RPAP1: variants seen among roughly 807,000 people sequenced by gnomAD.
The protein encoded by RPAP1 is RNA polymerase II-associated protein 1.
RPAP1 carries 109 observed loss-of-function variants against 142.4 expected under a neutral mutation model. That is an observed-to-expected ratio of 0.77 (90% CI 0.66 to 0.90). The LOEUF (loss-of-function observed/expected upper bound fraction) is 0.90. Among genes scored for constraint, RPAP1 ranks in the 40% least tolerant of loss-of-function variants. The pLI is 0.00. For missense variants in RPAP1, 1,546 were observed against 1,751.7 expected, an observed-to-expected ratio of 0.88 and a Z score of 2.10; for synonymous variants, 704 against 738.9, an observed-to-expected ratio of 0.95 and a Z score of 0.77.
At chr15:41,532,503 G>A (rs188650855) in intron 6 of RPAP1, among the ~76,000 whole-genome samples, 150 of 152,232 alleles carry the variant, frequency 9.9e-4, no homozygotes, top group African/African-American at 3.4e-3. Context: ...AGTATACAGT[G>A]GGTAACAAGA....
At chr15:41,524,375 G>C in intron 15 of RPAP1, 121 bp from the exon 16 acceptor site, 4 of 816,472 alleles carry the variant, frequency 4.9e-6, no homozygotes, top group African/African-American at 1.7e-5. Context: ...GAAGAGTGGG[G>C]CACTCTTGGA....
chr15:41,534,421 CA>C lies in RPAP1; in HGVS notation c.763+292del, dbSNP rs547606514. Among the ~76,000 whole-genome samples, 879 of 122,390 alleles carry C rather than the reference CA, an allele frequency of 7.2e-3. 1 individual carries two copies. The highest frequency in any genetic ancestry group is 8.7e-3 in the South Asian group (34 of 3,916). The allele number at this position is 122,390 out of a possible 152,430, so 80.3% of individuals were successfully genotyped here. A position where few individuals can be genotyped will look rare whatever the true frequency, so the allele number is the denominator to read the frequency against. ...CAACAAGAGTGAAACTCTGTCCCCC[CA>C]AAAAAAAAAAAAAATTAGCTGAGTG... On this transcript the variant is annotated intron_variant, in intron 6 of 24. Transcript: ENST00000304330.
Position 41,534,836 on chromosome 15 carries a change from C to G in RPAP1, c.641G>C (p.Gly214Ala). The change falls in exon 6 of 25, where the codon GGG becomes GCG. Residue 214 changes from glycine (G) to alanine (A), a missense_variant. This residue lies in a region of RPAP1 where 1,333 missense variants were observed against 1,486.6 expected (regional missense o/e 0.90). Transcript: ENST00000304330. ...FQGPNLVTGK[G>A]LRDQEAEQEA... ...CTGCTCAGCTTCTTGATCCCTGAGC[C>G]CCTTCCCTGTGACCAGATTGGGTCC... is the stretch of plus-strand genomic sequence containing the variant. 6.2e-7 allele frequency: 1 copy of G among 1,614,180 alleles called. No individual in the cohort carries two copies. Among genetic ancestry groups the G allele is most frequent in the Non-Finnish European group, 8.5e-7 (1 of 1,180,034 alleles).
At chr15:41,519,448 T>G (rs1438021601) in intron 22 of RPAP1, 1 of 151,336 alleles carries the variant, frequency 6.6e-6, no homozygotes, top group African/African-American at 2.4e-5. Flanking sequence ...TGACCTCAAA[T>G]GATCCGCCCA....
chr15:41,518,184 T>C lies in RPAP1; in HGVS notation c.3796-2A>G, dbSNP rs1288593515. The C allele has an allele frequency of 3.2e-6, 5 of 1,560,100 alleles. No individual in the cohort carries two copies. Among genetic ancestry groups the C allele is most frequent in the Admixed American group, 2.2e-5 (1 of 46,184 alleles). ...GTAACACTCCAGGGACACAGGCAAC[T>C]GTGACAGGGGAAATGACGTGCTGAG... On this transcript the variant is annotated splice_acceptor_variant, in intron 22 of 24. Coordinates refer to ENST00000304330, the MANE Select transcript of RPAP1 (RefSeq NM_015540.4). LOFTEE classifies it high-confidence loss of function.
chr15:41,521,876 G>A lies in RPAP1; in HGVS notation c.2900C>T (p.Ala967Val), dbSNP rs778356661. ...ATGGGTGGCTGGCAGTGGCTGCAGC[G>A]CTGCCTGCAGACAGAAAAGCAGGGA... ...LALALAQKAA[A>V]LQPLPATHAA... The change falls in exon 21 of 25, where the codon GCG (alanine) becomes GTG (valine). Residue 967 changes from alanine to valine, a missense_variant. Ala to Val is a moderately conservative substitution (Grantham distance 64). This residue lies in a region of RPAP1 where 1,333 missense variants were observed against 1,486.6 expected (regional missense o/e 0.90). Transcript: ENST00000304330. 3.7e-5 allele frequency: 60 copies of A among 1,613,406 alleles called. No homozygotes were observed. Among genetic ancestry groups the A allele is most frequent in the Non-Finnish European group, 4.5e-5 (53 of 1,179,740 alleles).
chr15:41,526,903 G>A lies in RPAP1; in HGVS notation c.1912C>T (p.Arg638Trp), dbSNP rs539741618. 289 of 1,610,310 alleles carry A rather than the reference G, an allele frequency of 1.8e-4. 2 individuals are homozygous for A. In the South Asian group the frequency reaches 2.8e-3, roughly 16 times the overall value. ...TTGCCCTGTGTCCTGCTCACCAGCC[G>A]GGCAGCAATATTCCTCCCAGCTGAG... is the stretch of plus-strand genomic sequence containing the variant. ...LASAGRNIAARLLSSFDLRSR... is the reference protein window; with the variant it reads ...LASAGRNIAAWLLSSFDLRSR... The change falls in exon 14 of 25, where the codon CGG (arginine) becomes TGG (tryptophan). Residue 638 changes from arginine (R) to tryptophan (W), a missense_variant. Physicochemically the swap from Arg to Trp is moderately radical, Grantham distance 101. Around this residue, in one of 3 missense-constraint regions of RPAP1, gnomAD observed 1,333 missense variants for 1,486.6 expected, o/e 0.90. Coordinates refer to ENST00000304330, the MANE Select transcript of RPAP1 (RefSeq NM_015540.4).
chr15:41,534,915 G>A lies in RPAP1; in HGVS notation c.562C>T (p.Pro188Ser). The change falls in exon 6 of 25, where the codon CCC (proline) becomes TCC (serine). Residue 188 changes from proline to serine, a missense_variant. Physicochemically the swap from Pro to Ser is moderately conservative, Grantham distance 74 (BLOSUM62 -1). This residue lies in a region of RPAP1 where 1,333 missense variants were observed against 1,486.6 expected (regional missense o/e 0.90). Coordinates refer to ENST00000304330, the MANE Select transcript of RPAP1 (RefSeq NM_015540.4). ...PPEGAVTCET[P>S]TPRNQGCQLP... ...TGGCAGCCCTGGTTCCTAGGAGTGG[G>A]TGTCTCACAGGTCACGGCACCTGGA... 6.2e-7 allele frequency: 1 copy of A among 1,614,156 alleles called. No individual in the cohort carries two copies. Among genetic ancestry groups the A allele is most frequent in the Non-Finnish European group, 8.5e-7 (1 of 1,180,020 alleles).
In RPAP1 at chr15:41,527,072, T is replaced by A. The variant is rs532481466; in HGVS notation, c.1747-4A>T. 1.9e-6 allele frequency: 3 copies of A among 1,613,456 alleles called. No individual in the cohort carries two copies. In the East Asian group the frequency reaches 6.7e-5, roughly 36 times the overall value. On this transcript the variant is annotated splice_region_variant and splice_polypyrimidine_tract_variant and intron_variant, in intron 13 of 24. Coordinates refer to ENST00000304330, the MANE Select transcript of RPAP1 (RefSeq NM_015540.4). Reference sequence around the variant, plus strand: ...TCAGCCGAGGGCACTCCAGGACCTATGGGAGACAGGAGGTAAAAGGGAGGA... The same window carrying A: ...TCAGCCGAGGGCACTCCAGGACCTAAGGGAGACAGGAGGTAAAAGGGAGGA...
intron 19 of RPAP1, 123 bp downstream of exon 19, chr15:41,522,642 G>A (rs763116761): frequency 1.1e-4 from 97 of 850,102 alleles, no homozygotes; most frequent in Admixed American, 4.5e-4. Flanking sequence ...TGCCCACCTC[G>A]GCCTCCCAAA....
chr15:41,527,479 T>G lies in RPAP1; in HGVS notation c.1555A>C (p.Ser519Arg). 1 of 1,614,198 alleles carries G rather than the reference T, an allele frequency of 6.2e-7. No individual in the cohort carries two copies. Among genetic ancestry groups the G allele is most frequent in the Non-Finnish European group, 8.5e-7 (1 of 1,180,028 alleles). ...ECPAGKAKRK[S>R]PEEESRPPPD... ...GGAGGCCGGCTTTCTTCTTCAGGGC[T>G]TTTCCTTTTTGCTTTTCCTGCTGGG... is the stretch of plus-strand genomic sequence containing the variant. The change falls in exon 12 of 25, where the codon AGC (serine) becomes CGC (arginine). Residue 519 changes from serine (S) to arginine (R), a missense_variant. Physicochemically the swap from Ser to Arg is moderately radical, Grantham distance 110. Transcript: ENST00000304330.
chr15:41,519,301 G>T (rs567452802), intron 22 of RPAP1, among the ~76,000 whole-genome samples: 4 of 152,210 alleles, frequency 2.6e-5, no homozygotes, highest in African/African-American at 9.6e-5. Flanking sequence ...TCTGCCTCCT[G>T]GGTTCAAGCG....
chr15:41,524,355 G>A (rs1427154769), intron 15 of RPAP1, 101 bp from the exon 16 acceptor site: 4 of 1,049,546 alleles, frequency 3.8e-6, no homozygotes, highest in Non-Finnish European at 5.2e-6. Flanking sequence ...TGATAAAGGA[G>A]GATGAGGAGG....
intron 22 of RPAP1, chr15:41,519,796 C>G (rs917797450): frequency 1.9e-5 from 3 of 153,884 alleles, no homozygotes; most frequent in African/African-American, 7.2e-5. Flanking sequence ...CCTGATACCA[C>G]CTAGCATCTG....
intron 18 of RPAP1, 95 bp from the exon 19 acceptor site, chr15:41,523,055 C>T: frequency 1.8e-6 from 2 of 1,133,072 alleles, no homozygotes; most frequent in Non-Finnish European, 2.4e-6. Context: ...TAACGGGGGG[C>T]CTGGCTGTGG....
In RPAP1 at chr15:41,540,196, A is replaced by G. The variant is rs147189520; in HGVS notation, c.-76-2995T>C. On this transcript the variant is annotated intron_variant, in intron 1 of 24. Transcript: ENST00000304330. ...CTGATAATAATAAAAATATTGTTAT[A>G]TCTAACACTTATTGAGCACTTAGTA... is the stretch of plus-strand genomic sequence containing the variant. Among the ~76,000 whole-genome samples, 178 of 152,342 alleles carry G rather than the reference A, an allele frequency of 1.2e-3. 1 individual carries two copies. The highest frequency in any genetic ancestry group is 4.2e-3 in the African/African-American group (176 of 41,576).
chr15:41,534,421 C>CA (rs547606514), intron 6 of RPAP1, among the ~76,000 whole-genome samples: 72 of 122,498 alleles, frequency 5.9e-4, no homozygotes, highest in Middle Eastern at 4.1e-3. Context: ...TCTGTCCCCC[C>CA]AAAAAAAAAA....
intron 6 of RPAP1, among the ~76,000 whole-genome samples, chr15:41,532,253 C>T (rs1251310056): frequency 4.6e-5 from 7 of 152,172 alleles, no homozygotes; most frequent in African/African-American, 1.7e-4. Flanking sequence ...ATGTCTTGAT[C>T]TTGTGATCCG....
intron 1 of RPAP1, among the ~76,000 whole-genome samples, chr15:41,541,438 A>G (rs2051971366): frequency 6.6e-6 from 1 of 151,716 alleles, no homozygotes; most frequent in Non-Finnish European, 1.5e-5. Flanking sequence ...AAAAAAAAAA[A>G]AAAGCAGGGA....
Sources: allele counts gnomAD v4.1 joint callset (sites outside exome capture counted in the v4.1 genomes callset), GRCh38; gene constraint gnomAD v4.1.1; regional missense constraint gnomAD v4.1.1; transcripts MANE v1.5; gene names NCBI Gene and HGNC (gene_info 2026-07-23, HGNC 2026-07-21).